TMEM114: variants seen among roughly 807,000 people sequenced by gnomAD.
The protein encoded by TMEM114 is claudin-26.
In TMEM114, 6 loss-of-function variants were observed where a neutral mutation model predicts 6.2. The ratio of observed to expected loss-of-function variants is 0.97; its 90% CI spans 0.53 to 1.91. TMEM114 has a LOEUF of 1.91. Among genes scored for constraint, TMEM114 ranks in the 40% most tolerant of loss-of-function variants. TMEM114 has a pLI of 0.01. For missense variants in TMEM114, 218 were observed against 158.3 expected (o/e 1.38, Z -2.02); for synonymous variants, 104 against 73.0 (o/e 1.42, Z -2.16).
downstream of TMEM114, among the ~76,000 whole-genome samples, chr16:8,565,045 A>ATGAG (rs141124432): frequency 3.9e-4 from 42 of 108,480 alleles, no homozygotes; most frequent in South Asian, 7.2e-3. Context: ...GAGTGAGTGA[A>ATGAG]TGAGTGAGTG....
downstream of TMEM114, among the ~76,000 whole-genome samples, chr16:8,567,203 C>T (rs1324717811): frequency 6.6e-6 from 1 of 152,070 alleles, no homozygotes; most frequent in Non-Finnish European, 1.5e-5. Context: ...GCCATGGCGC[C>T]CGGCCTCATC....
chr16:8,590,295 T>G lies in TMEM114; in HGVS notation c.-457A>C. 3.2e-5 allele frequency: 5 copies of G among 156,182 alleles called. No individual in the cohort carries two copies. Among genetic ancestry groups the G allele is most frequent in the East Asian group, 1.9e-4 (1 of 5,302 alleles). 9.7% of individuals were successfully genotyped at this position (156,182 alleles called of 1,614,324 possible). On this transcript the variant is annotated 5_prime_UTR_variant, in exon 1 of 4. An upstream start codon of the reference 5' UTR is lost. Coordinates refer to ENST00000620492, the MANE Select transcript of TMEM114 (RefSeq NM_001146336.2). ...TTTCCCCAGACTCCTACTCCCTCCA[T>G]TCCCCTGCCTCACTCTCCACGAACC...
chr16:8,576,130 T>A (rs1441537193), intron 2 of TMEM114, among the ~76,000 whole-genome samples: 1 of 152,150 alleles, frequency 6.6e-6, no homozygotes, highest in Non-Finnish European at 1.5e-5. Flanking sequence ...AGCAGAGGTG[T>A]AAACAAGGTC....
At chr16:8,550,051 C>G (rs1398273190) in intron 2 of TMEM114, among the ~76,000 whole-genome samples, 10 of 152,176 alleles carry the variant, frequency 6.6e-5, no homozygotes, top group Admixed American at 1.3e-4. Flanking sequence ...AGTCCAAAAG[C>G]CAAAGAACTT....
At chr16:8,552,520 A>G (rs1313602575) in intron 2 of TMEM114, among the ~76,000 whole-genome samples, 1 of 152,170 alleles carries the variant, frequency 6.6e-6, no homozygotes, top group East Asian at 1.9e-4. Context: ...ACACACACAC[A>G]CACACACACA....
chr16:8,579,614 A>G (rs1160621082), intron 2 of TMEM114, among the ~76,000 whole-genome samples: 2 of 152,300 alleles, frequency 1.3e-5, no homozygotes, highest in East Asian at 1.9e-4. Flanking sequence ...AGCAAACCAC[A>G]TCATCGCTCA....
At chr16:8,566,897 GT>G (rs71150402), downstream of TMEM114, among the ~76,000 whole-genome samples, 13,049 of 97,718 alleles carry the variant, frequency 0.13, 466 homozygotes, top group Middle Eastern at 0.25. Context: ...CATCACCCTG[GT>G]TTTTTTTTTT....
At chr16:8,564,993 ATGAGTAAATAAGTGAC>A (rs1901487572), downstream of TMEM114, among the ~76,000 whole-genome samples, 1 of 149,886 alleles carries the variant, frequency 6.7e-6, no homozygotes, top group South Asian at 2.2e-4. Flanking sequence ...GAGTGAGTGA[ATGAGTAAATAAGTGAC>A]TGAGTGAATA....
intron 2 of TMEM114, among the ~76,000 whole-genome samples, chr16:8,574,800 G>C (rs1253378428): frequency 6.6e-6 from 1 of 152,140 alleles, no homozygotes; most frequent in Non-Finnish European, 1.5e-5. Context: ...CAGTCGTGCT[G>C]CAAGCTGCCT....
chr16:8,531,887 C>T, the TMEM114 span: 1 of 152,194 alleles, frequency 6.6e-6, no homozygotes, highest in Non-Finnish European at 1.5e-5. Flanking sequence ...AAATGAGGAA[C>T]ATTCCCTTGG....
chr16:8,544,920 TTC>T (rs144585319), intron 2 of TMEM114, among the ~76,000 whole-genome samples: 105 of 147,188 alleles, frequency 7.1e-4, no homozygotes, highest in Non-Finnish European at 9.9e-4. Flanking sequence ...CTCAACATCT[TTC>T]TCTCTCTCTC....
At chr16:8,588,666 G>A (rs1902389571) in intron 2 of TMEM114, among the ~76,000 whole-genome samples, 1 of 152,200 alleles carries the variant, frequency 6.6e-6, no homozygotes. Flanking sequence ...CCTGAGAGGA[G>A]GGGCTGTTCC....
In TMEM114 at chr16:8,580,029, C is replaced by T. The variant is rs185672073; in HGVS notation, c.302-7805G>A. On this transcript the variant is annotated intron_variant, in intron 2 of 3. Coordinates refer to ENST00000620492, the MANE Select transcript of TMEM114 (RefSeq NM_001146336.2). ...AGTGGGGACAGAAAATGCCAACATC[C>T]AGAAGTAGGAGACACCCAAAGTAGC... 5.9e-5 allele frequency among the ~76,000 whole-genome samples: 9 copies of T among 152,146 alleles called. No individual in the cohort carries two copies. The East Asian group carries it at 1.7e-3, about 29-fold the overall frequency.
rs1044591065 is a variant in TMEM114, at chr16:8,574,794, C to T, written c.302-2570G>A. 2.0e-5 allele frequency among the ~76,000 whole-genome samples: 3 copies of T among 152,104 alleles called. No individual in the cohort carries two copies. In the East Asian group the frequency reaches 5.8e-4, roughly 29 times the overall value. On this transcript the variant is annotated intron_variant, in intron 2 of 3. Transcript: ENST00000620492. Reference sequence around the variant, plus strand: ...GGCAGCCCCATGTGAGTTTCCCAGTCGTGCTGCAAGCTGCCTTGATGTCCA... The same window carrying T: ...GGCAGCCCCATGTGAGTTTCCCAGTTGTGCTGCAAGCTGCCTTGATGTCCA...
Position 8,569,510 on chromosome 16 carries a change from G to C in TMEM114, c.*263C>G, listed in dbSNP as rs977185149. 31 of 1,380,494 alleles carry C rather than the reference G, an allele frequency of 2.2e-5. No individual in the cohort carries two copies. The highest frequency in any genetic ancestry group is 2.7e-5 in the Non-Finnish European group (29 of 1,067,438). The allele number at this position is 1,380,494 out of a possible 1,614,324, so 85.5% of individuals were successfully genotyped here. A position where few individuals can be genotyped will look rare whatever the true frequency, so the allele number is the denominator to read the frequency against. On this transcript the variant is annotated 3_prime_UTR_variant, in exon 4 of 4. Transcript: ENST00000620492. ...CTGTAAAGCTCTGTGTGTGATTAAAGGATCGTTTTTATTTCTCGCGAAGCG... is the reference window on the plus strand; with the variant it reads ...CTGTAAAGCTCTGTGTGTGATTAAACGATCGTTTTTATTTCTCGCGAAGCG...
intron 2 of TMEM114, among the ~76,000 whole-genome samples, chr16:8,549,948 C>T (rs1900789589): frequency 6.6e-6 from 1 of 152,148 alleles, no homozygotes; most frequent in Non-Finnish European, 1.5e-5. Flanking sequence ...GTCCGAGTCC[C>T]AAAACCTCAA....
At chr16:8,528,652 G>A in the TMEM114 span, among the ~76,000 whole-genome samples, 1 of 152,230 alleles carries the variant, frequency 6.6e-6, no homozygotes, top group South Asian at 2.1e-4. Flanking sequence ...TCGCAGCCTT[G>A]GTGGTAAATC....
chr16:8,536,468 T>C (rs1900363489), downstream of TMEM114, among the ~76,000 whole-genome samples: 1 of 152,164 alleles, frequency 6.6e-6, no homozygotes, highest in Non-Finnish European at 1.5e-5. Flanking sequence ...AACCTCGGTA[T>C]CTCAACATTA....
the TMEM114 span, among the ~76,000 whole-genome samples, chr16:8,526,931 G>T: frequency 2.6e-3 from 399 of 152,312 alleles, 1 homozygote; most frequent in Admixed American, 4.1e-3. Context: ...GAGTAGGTGG[G>T]GCACGGTGGC....
Sources: allele counts gnomAD v4.1 joint callset (sites outside exome capture counted in the v4.1 genomes callset), GRCh38; gene constraint gnomAD v4.1.1; transcripts MANE v1.5; gene names NCBI Gene and HGNC (gene_info 2026-07-23, HGNC 2026-07-21).